Variants in GRM8 observed in about 807,000 individuals in gnomAD.
The protein encoded by GRM8 is metabotropic glutamate receptor 8.
Under a neutral mutation model 87.2 loss-of-function variants are expected in GRM8, and 47 were observed. The observed-to-expected ratio is 0.54, with a 90% CI of 0.43 to 0.69. The LOEUF is 0.69. Among genes scored for constraint, GRM8 ranks in the 30% least tolerant of loss-of-function variants. The probability of loss-of-function intolerance (pLI) is 0.00; values close to 1 mark genes in which losing one functional copy is unlikely to be tolerated. For synonymous variants in GRM8, 396 were observed against 404.5 expected, an observed-to-expected ratio of 0.98 and a Z score of 0.25; for missense variants, 1,019 against 1,139.2, an observed-to-expected ratio of 0.89 and a Z score of 1.52.
intron 3 of GRM8, among the ~76,000 whole-genome samples, chr7:127,033,896 A>C (rs1817616821): frequency 6.6e-6 from 1 of 152,212 alleles, no homozygotes; most frequent in East Asian, 1.9e-4. Flanking sequence ...CCCCATAAGC[A>C]CTAACTGTGC....
chr7:126,848,956 T>A (rs1473652147), intron 6 of GRM8, among the ~76,000 whole-genome samples: 2 of 152,122 alleles, frequency 1.3e-5, no homozygotes, highest in African/African-American at 4.8e-5. Flanking sequence ...GAGGAGTAAG[T>A]CACATCTTAC....
At chr7:127,228,114 AC>A (rs1797457378) in intron 2 of GRM8, among the ~76,000 whole-genome samples, 1 of 152,226 alleles carries the variant, frequency 6.6e-6, no homozygotes, top group Non-Finnish European at 1.5e-5. Flanking sequence ...TTGAAAACAT[AC>A]CATCTAAAAG....
At chr7:126,829,220 G>T (rs1795112755) in intron 6 of GRM8, among the ~76,000 whole-genome samples, 1 of 147,250 alleles carries the variant, frequency 6.8e-6, no homozygotes, top group Non-Finnish European at 1.5e-5. Flanking sequence ...TATTAGGTCT[G>T]CTTGGTGCAG....
At chr7:127,198,426 G>A (rs1795407355) in intron 2 of GRM8, among the ~76,000 whole-genome samples, 1 of 152,142 alleles carries the variant, frequency 6.6e-6, no homozygotes, top group Non-Finnish European at 1.5e-5. Context: ...AGTTTCCTAT[G>A]AAATGAAAAT....
In GRM8 at chr7:126,734,923, A is replaced by G. The variant is rs115070528; in HGVS notation, c.1357+34942T>C. On this transcript the variant is annotated intron_variant, in intron 7 of 10. Transcript: ENST00000339582. ...GAGAGACATTTGGTAGTCAGTAATC[A>G]AGGGAGGGTTTGCTTATTTATATTA... Among the ~76,000 whole-genome samples the G allele has an allele frequency of 6.0e-3, 910 of 152,182 alleles. 6 individuals are homozygous for G. The highest frequency in any genetic ancestry group is 0.021 in the African/African-American group (873 of 41,552).
chr7:126,934,820 C>T (rs1802497710), intron 3 of GRM8, among the ~76,000 whole-genome samples: 1 of 152,146 alleles, frequency 6.6e-6, no homozygotes, highest in East Asian at 1.9e-4. Flanking sequence ...ACTTTGACTC[C>T]TTGGAGGTTT....
At chr7:126,571,563 TG>T (rs1214569048) in intron 8 of GRM8, among the ~76,000 whole-genome samples, 24 of 152,244 alleles carry the variant, frequency 1.6e-4, no homozygotes, top group Non-Finnish European at 2.4e-4. Flanking sequence ...GTGTGTGTGC[TG>T]GCCCTTCCCA....
intron 2 of GRM8, among the ~76,000 whole-genome samples, chr7:127,108,625 G>A (rs1329986370): frequency 6.6e-6 from 1 of 152,170 alleles, no homozygotes; most frequent in African/African-American, 2.4e-5. Flanking sequence ...CTAAAAATGA[G>A]CAGAAAGTGT....
At chr7:127,173,504 A>T (rs539627183) in intron 2 of GRM8, among the ~76,000 whole-genome samples, 1 of 152,158 alleles carries the variant, frequency 6.6e-6, no homozygotes, top group Non-Finnish European at 1.5e-5. Flanking sequence ...GGTCAGGAGG[A>T]TCAGATTGTA....
intron 2 of GRM8, among the ~76,000 whole-genome samples, chr7:127,171,563 ATCAAG>A (rs539731731): frequency 1.6e-4 from 24 of 152,210 alleles, no homozygotes; most frequent in Non-Finnish European, 2.9e-4. Context: ...AGCCATCAAC[ATCAAG>A]TCAAGACTCA....
At chr7:126,497,681 T>A (rs543774680) in intron 9 of GRM8, among the ~76,000 whole-genome samples, 168 of 152,116 alleles carry the variant, frequency 1.1e-3, no homozygotes, top group Non-Finnish European at 8.8e-4. Context: ...CCCCTATGAA[T>A]ACATTACAAT....
chr7:126,872,583 C>T (rs944549613), intron 6 of GRM8, among the ~76,000 whole-genome samples: 2 of 152,160 alleles, frequency 1.3e-5, no homozygotes, highest in Non-Finnish European at 2.9e-5. Flanking sequence ...AAATAACACT[C>T]ACCTTCTTTT....
chr7:126,493,968 G>T (rs1177237471), intron 9 of GRM8, among the ~76,000 whole-genome samples: 1 of 151,966 alleles, frequency 6.6e-6, no homozygotes, highest in Non-Finnish European at 1.5e-5. Flanking sequence ...GGCATGACTG[G>T]CAGGGGAAGT....
chr7:126,970,741 G>A (rs957908071), intron 3 of GRM8, among the ~76,000 whole-genome samples: 2 of 152,030 alleles, frequency 1.3e-5, no homozygotes, highest in African/African-American at 4.8e-5. Context: ...CTCAGCTTTC[G>A]ACCTGCTTTC....
intron 3 of GRM8, among the ~76,000 whole-genome samples, chr7:126,911,865 G>A (rs1803339452): frequency 6.6e-6 from 1 of 152,148 alleles, no homozygotes; most frequent in Admixed American, 6.5e-5. Flanking sequence ...GCCACATGCT[G>A]CCCACATAGC....
chr7:126,961,398 T>C (rs985561039), intron 3 of GRM8, among the ~76,000 whole-genome samples: 7 of 152,214 alleles, frequency 4.6e-5, no homozygotes, highest in African/African-American at 1.7e-4. Context: ...CATTCTCTTT[T>C]CTTCTCTTAT....
At chr7:127,141,372 A>C (rs1828246763) in intron 2 of GRM8, among the ~76,000 whole-genome samples, 3 of 152,116 alleles carry the variant, frequency 2.0e-5, no homozygotes, top group African/African-American at 7.2e-5. Flanking sequence ...ATTCTTCTAG[A>C]TAGTTTACCT....
intron 3 of GRM8, among the ~76,000 whole-genome samples, chr7:127,099,366 C>A (rs867474440): frequency 1.3e-5 from 2 of 152,166 alleles, no homozygotes; most frequent in Non-Finnish European, 2.9e-5. Context: ...AGAAAAAAAT[C>A]TCTGGATGTC....
At chr7:127,125,799 CAA>C (rs58749590) in intron 2 of GRM8, among the ~76,000 whole-genome samples, 2,232 of 150,662 alleles carry the variant, frequency 0.015, 13 homozygotes, top group Middle Eastern at 0.031. Context: ...CACACACACA[CAA>C]ATAACTATTA....
Sources: gnomAD v4.1 joint callset for allele counts (sites outside exome capture counted in the v4.1 genomes callset) on GRCh38, gnomAD v4.1.1 for gene constraint, MANE v1.5 for transcripts, NCBI Gene and HGNC (gene_info 2026-07-23, HGNC 2026-07-21) for gene names.